Variants in CLIC5 observed in about 807,000 individuals in gnomAD.
CLIC5 encodes chloride intracellular channel protein 5.
A neutral mutation model predicts 24.7 loss-of-function variants in CLIC5; 20 were observed. The observed-to-expected ratio is 0.81, with a 90% CI of 0.57 to 1.18. CLIC5 has a LOEUF of 1.18. Ranked by LOEUF, CLIC5 falls within the 50% of genes most tolerant of loss-of-function variation. The probability of loss-of-function intolerance (pLI) is 0.00; values close to 1 mark genes in which losing one functional copy is unlikely to be tolerated. For missense variants in CLIC5, 341 were observed against 326.1 expected (o/e 1.05, Z -0.35); for synonymous variants, 159 against 135.6 (o/e 1.17, Z -1.20).
At chr6:45,968,237 C>T (rs554806574) in intron 1 of CLIC5, among the ~76,000 whole-genome samples, 2 of 152,276 alleles carry the variant, frequency 1.3e-5, no homozygotes, top group Non-Finnish European at 2.9e-5. Context: ...ATGCCTCTCC[C>T]CACTTGTATC....
intron 4 of CLIC5, among the ~76,000 whole-genome samples, chr6:45,941,271 C>T (rs1315589460): frequency 6.6e-6 from 1 of 152,192 alleles, no homozygotes; most frequent in African/African-American, 2.4e-5. Flanking sequence ...TGCAATAAGG[C>T]AGGCTCAGAT....
chr6:46,001,002 C>A (rs1198135340), intron 1 of CLIC5, among the ~76,000 whole-genome samples: 1 of 152,184 alleles, frequency 6.6e-6, no homozygotes, highest in Non-Finnish European at 1.5e-5. Flanking sequence ...CAGTGTTCAC[C>A]AACAAGGCAT....
chr6:45,936,895 C>A (rs2095771), intron 4 of CLIC5, among the ~76,000 whole-genome samples: 30,546 of 151,842 alleles, frequency 0.2, 3,861 homozygotes, highest in South Asian at 0.28. Context: ...AAAATCCAGT[C>A]TACATTTAAG....
At chr6:45,908,635 T>C (rs1238503496) in intron 5 of CLIC5, among the ~76,000 whole-genome samples, 2 of 152,108 alleles carry the variant, frequency 1.3e-5, no homozygotes, top group Non-Finnish European at 2.9e-5. Flanking sequence ...GGTCCAAGAG[T>C]ATGATTGATA....
intron 5 of CLIC5, chr6:45,912,182 T>C: frequency 1.0e-6 from 1 of 986,438 alleles, no homozygotes; most frequent in Non-Finnish European, 1.2e-6. Context: ...CTGACTTGGC[T>C]TCCCCTTCGC....
chr6:46,068,477 C>A (rs62400501), intron 1 of CLIC5, among the ~76,000 whole-genome samples: 33 of 151,992 alleles, frequency 2.2e-4, no homozygotes, highest in Non-Finnish European at 4.1e-4. Context: ...GCCAATGGAC[C>A]AAGTATATGA....
intron 1 of CLIC5, among the ~76,000 whole-genome samples, chr6:45,978,030 C>A (rs1485415732): frequency 6.6e-6 from 1 of 152,180 alleles, no homozygotes; most frequent in African/African-American, 2.4e-5. Context: ...GGCTTTGGGT[C>A]TGACTAGGCT....
chr6:46,016,630 C>T (rs149175938), upstream of CLIC5, among the ~76,000 whole-genome samples: 6 of 152,294 alleles, frequency 3.9e-5, no homozygotes, highest in East Asian at 1.2e-3. Flanking sequence ...AGAAAAGATG[C>T]ACATATCTTA....
chr6:45,916,761 A>T (rs1291460827), intron 4 of CLIC5, among the ~76,000 whole-genome samples: 1 of 152,258 alleles, frequency 6.6e-6, no homozygotes, highest in Non-Finnish European at 1.5e-5. Context: ...GAAGGCATCA[A>T]GTCTGGTGAC....
At chr6:46,062,724 G>A (rs955495511) in intron 1 of CLIC5, among the ~76,000 whole-genome samples, 3 of 152,154 alleles carry the variant, frequency 2.0e-5, no homozygotes, top group African/African-American at 2.4e-5. Flanking sequence ...GCTGATCAGC[G>A]CATTTTCCTA....
At chr6:46,043,648 C>T (rs1767876515) in intron 1 of CLIC5, among the ~76,000 whole-genome samples, 1 of 152,176 alleles carries the variant, frequency 6.6e-6, no homozygotes, top group Admixed American at 6.5e-5. Context: ...TTAGGAGCCA[C>T]TTCAGAGTAC....
chr6:46,018,514 T>C (rs1353809773), upstream of CLIC5, among the ~76,000 whole-genome samples: 2 of 152,236 alleles, frequency 1.3e-5, no homozygotes, highest in African/African-American at 2.4e-5. Context: ...TCTTCTTTGG[T>C]CATAAACTAT....
chr6:45,909,696 C>T (rs1762761381), intron 5 of CLIC5, among the ~76,000 whole-genome samples: 1 of 152,176 alleles, frequency 6.6e-6, no homozygotes, highest in East Asian at 1.9e-4. Flanking sequence ...TTTTCTCTAG[C>T]TGCCTTTAAG....
chr6:46,101,387 A>G, the CLIC5 span, among the ~76,000 whole-genome samples: 3 of 152,254 alleles, frequency 2.0e-5, no homozygotes, highest in Non-Finnish European at 1.5e-5. Context: ...CAATAAATTT[A>G]AAGACCTTAA....
chr6:46,080,538 T>C (rs1313750156), upstream of CLIC5, among the ~76,000 whole-genome samples: 1 of 152,206 alleles, frequency 6.6e-6, no homozygotes, highest in Non-Finnish European at 1.5e-5. Context: ...CCAAGATTCT[T>C]TGGGTAAGCC....
At chr6:46,059,681 C>CCA (rs1190074681) in intron 1 of CLIC5, among the ~76,000 whole-genome samples, 1 of 152,162 alleles carries the variant, frequency 6.6e-6, no homozygotes, top group Non-Finnish European at 1.5e-5. Flanking sequence ...AAAGAAGGCT[C>CCA]CATAAGGTTA....
chr6:46,051,030 A>T (rs1004005504), intron 1 of CLIC5, among the ~76,000 whole-genome samples: 5 of 152,158 alleles, frequency 3.3e-5, no homozygotes, highest in Non-Finnish European at 7.3e-5. Flanking sequence ...GAGAATACCA[A>T]CTACAAAAAG....
rs188607201 is a variant in CLIC5, at chr6:45,884,950, T to C, written c.624-3762A>G. On this transcript the variant is annotated intron_variant, in intron 6 of 6. Transcript: ENST00000644324. ...ACTGTCAAGAGTACATAACACTTGC[T>C]GTATGCTTCAGGAAATAGGTTTTTT... 5.6e-3 allele frequency among the ~76,000 whole-genome samples: 326 copies of C among 58,694 alleles called. 3 individuals are homozygous for C. Among genetic ancestry groups the C allele is most frequent in the Middle Eastern group, 0.039 (5 of 128 alleles). The allele number at this position is 58,694 out of a possible 152,430, so 38.5% of individuals were successfully genotyped here.
intron 1 of CLIC5, among the ~76,000 whole-genome samples, chr6:46,069,550 A>G (rs1762532435): frequency 3.3e-5 from 5 of 152,044 alleles, no homozygotes; most frequent in Admixed American, 2.6e-4. Flanking sequence ...AATGCGTTCC[A>G]AAATTGAATC....
Sources: gnomAD v4.1 joint callset for allele counts (sites outside exome capture counted in the v4.1 genomes callset) on GRCh38, gnomAD v4.1.1 for gene constraint, MANE v1.5 for transcripts, NCBI Gene and HGNC (gene_info 2026-07-23, HGNC 2026-07-21) for gene names.